The following NAE1 variants were observed in gnomAD, a reference collection of about 807,000 sequenced individuals.
The protein encoded by NAE1 is NEDD8 activating enzyme E1 subunit 1, also known as NEDD8-activating enzyme E1 regulatory subunit.
A neutral mutation model predicts 88.0 loss-of-function variants in NAE1; 59 were observed. The observed-to-expected ratio is 0.67, with a 90% CI of 0.54 to 0.83. The LOEUF (loss-of-function observed/expected upper bound fraction) is 0.83, where lower values mean the gene tolerates loss of function less well. NAE1 is among the 40% of genes least tolerant of loss of function. The probability of loss-of-function intolerance (pLI) is 0.00; values close to 1 mark genes in which losing one functional copy is unlikely to be tolerated. For missense variants in NAE1, 554 were observed against 632.8 expected (o/e 0.88, Z 1.34); for synonymous variants, 186 against 208.9 (o/e 0.89, Z 0.95).
intron 11 of NAE1, among the ~76,000 whole-genome samples, 156 bp downstream of exon 11, chr16:66,816,425 A>C (rs547813758): frequency 2.2e-4 from 33 of 152,320 alleles, no homozygotes; most frequent in African/African-American, 7.0e-4. Flanking sequence ...TCAGCCTCCC[A>C]AAGTGCTGGG....
At chr16:66,814,610 T>TACACACAC (rs10693264) in intron 11 of NAE1, among the ~76,000 whole-genome samples, 46 of 138,988 alleles carry the variant, frequency 3.3e-4, no homozygotes, top group Non-Finnish European at 4.6e-4. Context: ...AAAAAAAAAA[T>TACACACAC]ACACACACAC....
chr16:66,808,878 T>G (rs778256923), intron 16 of NAE1, 111 bp downstream of exon 16: 17 of 702,636 alleles, frequency 2.4e-5, no homozygotes, highest in African/African-American at 3.7e-5. Flanking sequence ...TAGAATATGT[T>G]TACGTTATCT....
At chr16:66,812,743 T>G (rs936151850) in intron 13 of NAE1, among the ~76,000 whole-genome samples, 63 of 151,920 alleles carry the variant, frequency 4.1e-4, no homozygotes, top group African/African-American at 1.4e-3. Flanking sequence ...ATGGTCTTGA[T>G]CTTCTGACCT....
At chr16:66,824,949 G>C in intron 3 of NAE1, 64 bp from the exon 4 acceptor site, 1 of 1,383,802 alleles carries the variant, frequency 7.2e-7, no homozygotes, top group Non-Finnish European at 1.0e-6. Context: ...AAAGTTGTTT[G>C]TAATAGCATG....
intron 4 of NAE1, 87 bp from the exon 5 acceptor site, chr16:66,823,687 G>A (rs749921980): frequency 7.7e-5 from 78 of 1,014,316 alleles, no homozygotes; most frequent in Non-Finnish European, 1.1e-4. Flanking sequence ...CAAACATACT[G>A]TAAAACTATC....
chr16:66,823,876 C>T (rs915921913), intron 4 of NAE1, among the ~76,000 whole-genome samples: 1 of 152,176 alleles, frequency 6.6e-6, no homozygotes, highest in Non-Finnish European at 1.5e-5. Context: ...GGACTACAGG[C>T]ATGTGCTACC....
Position 66,818,532 on chromosome 16 carries a change from T to C in NAE1, c.617A>G (p.Lys206Arg), listed in dbSNP as rs1446692943. 5 of 1,608,690 alleles carry C rather than the reference T, an allele frequency of 3.1e-6. No homozygotes were observed. Among genetic ancestry groups the C allele is most frequent in the Admixed American group, 3.4e-5 (2 of 58,666 alleles). Residue 206 changes from lysine to arginine, a missense_variant, in exon 8 of 20, where the codon AAA (lysine) becomes AGA (arginine). By Grantham distance (26) the Lys-to-Arg change is conservative (BLOSUM62 2). Coordinates refer to ENST00000290810, the MANE Select transcript of NAE1 (RefSeq NM_003905.4). ...FQSYDLDHME[K>R]KDHSHTPWIV... ...AAGGTCACACACACTACCAACCTTT[T>C]TTTCCATATGATCCAAATCATAGGA... is the stretch of plus-strand genomic sequence containing the variant.
chr16:66,830,043 G>A (rs141620299), intron 1 of NAE1, among the ~76,000 whole-genome samples: 15,707 of 152,048 alleles, frequency 0.1, 1,087 homozygotes, highest in Non-Finnish European at 0.16. Flanking sequence ...GCACCACCAC[G>A]CCCAGCTAAT....
At chr16:66,805,074 G>A (rs191159762) in intron 19 of NAE1, among the ~76,000 whole-genome samples, 42 of 152,276 alleles carry the variant, frequency 2.8e-4, no homozygotes, top group Admixed American at 9.8e-4. Context: ...GGGTCTTGAA[G>A]AACATATAGG....
chr16:66,821,814 G>A (rs897319120), intron 6 of NAE1, among the ~76,000 whole-genome samples: 41 of 152,118 alleles, frequency 2.7e-4, no homozygotes, highest in African/African-American at 8.7e-4. Flanking sequence ...AAGGAGAAAC[G>A]TTAAAGAAAG....
chr16:66,810,371 T>C lies in NAE1; in HGVS notation c.1150+3A>G. 6.3e-7 allele frequency: 1 copy of C among 1,591,324 alleles called. No homozygotes were observed. Among genetic ancestry groups the C allele is most frequent in the Middle Eastern group, 1.7e-4 (1 of 6,008 alleles). On this transcript the variant is annotated splice_donor_region_variant and intron_variant, in intron 15 of 19. Transcript: ENST00000290810. ...ATAAGGAAATTAATTCAAGGGGACT[T>C]ACAGAGTAATTTTAATTCTTTCTCT...
intron 13 of NAE1, among the ~76,000 whole-genome samples, chr16:66,811,719 G>T (rs1243214765): frequency 6.6e-6 from 1 of 152,092 alleles, no homozygotes; most frequent in Non-Finnish European, 1.5e-5. Flanking sequence ...TTTTCTTTAC[G>T]TCTATTTACC....
chr16:66,813,453 A>G (rs1166271966), intron 13 of NAE1, 111 bp downstream of exon 13: 1 of 1,309,144 alleles, frequency 7.6e-7, no homozygotes, highest in African/African-American at 1.5e-5. Flanking sequence ...GTTTATTTAT[A>G]AGCAATGAGG....
At chr16:66,830,800 C>A (rs1294595476) in intron 1 of NAE1, 47 bp downstream of exon 1, 1 of 1,501,230 alleles carries the variant, frequency 6.7e-7, no homozygotes, top group Admixed American at 2.1e-5. Context: ...GGCCCGAATG[C>A]TGGAAAGCCC....
chr16:66,810,397 G>T lies in NAE1; in HGVS notation c.1127C>A (p.Ser376Ter). The stretch of plus-strand genomic sequence containing the variant: ...ACAGAGTAATTTTAATTCTTTCTCT[G>T]AAATGGACTCTGGTGCCTGTAAAGA... ...QSIGQAPESISEKELKLLCSN... is the reference protein window; with the variant it reads ...QSIGQAPESI The change falls in exon 15 of 20, where the codon TCA becomes TAA. Residue 376 changes from serine to a stop codon, truncating the protein, a stop_gained. Coordinates refer to ENST00000290810, the MANE Select transcript of NAE1 (RefSeq NM_003905.4). LOFTEE classifies it high-confidence loss of function. 1 of 1,600,404 alleles carries T rather than the reference G, an allele frequency of 6.2e-7. No homozygotes were observed. The highest frequency in any genetic ancestry group is 1.1e-5 in the South Asian group (1 of 90,386).
intron 8 of NAE1, among the ~76,000 whole-genome samples, chr16:66,817,691 T>G (rs1470863871): frequency 2.6e-5 from 4 of 152,142 alleles, no homozygotes; most frequent in Non-Finnish European, 4.4e-5. Flanking sequence ...ATACTATGAT[T>G]GTCCCCATTA....
In NAE1 at chr16:66,816,645, G is replaced by A. The variant is rs1328953268; in HGVS notation, c.776C>T (p.Pro259Leu). The A allele has an allele frequency of 6.2e-7, 1 of 1,611,886 alleles. No homozygotes were observed. Among genetic ancestry groups the A allele is most frequent in the South Asian group, 1.1e-5 (1 of 90,786 alleles). The change falls in exon 11 of 20, where the codon CCA (proline) becomes CTA (leucine). Residue 259 changes from proline (P) to leucine (L), a missense_variant. Pro to Leu is a moderately conservative substitution (Grantham distance 98). Transcript: ENST00000290810. ...TTCTTCAAAATTCTCTTCATCTTCT[G>A]GAGCCCCATTTTCATTTTTTAGAAT... Reference protein sequence around the residue: ...QGILKNENGAPEDEENFEEAI... With the variant: ...QGILKNENGALEDEENFEEAI...
chr16:66,830,873 C>A lies in NAE1; in HGVS notation c.27G>T (p.Lys9Asn). 2.0e-6 allele frequency: 3 copies of A among 1,535,370 alleles called. No homozygotes were observed. The highest frequency in any genetic ancestry group is 5.3e-5 in the East Asian group (2 of 38,028). MAQLGKLL[K>N]EQKYDRQLRL... ...TCAGCTGCCGGTCGTACTTCTGCTC[C>A]TTGAGCAGCTTTCCCAGCTGCGCCA... Residue 9 changes from lysine to asparagine, a missense_variant, in exon 1 of 20, where the codon AAG becomes AAT. Transcript: ENST00000290810.
At chr16:66,820,705 T>G (rs778368745) in intron 7 of NAE1, among the ~76,000 whole-genome samples, 5 of 151,812 alleles carry the variant, frequency 3.3e-5, no homozygotes, top group African/African-American at 4.8e-5. Context: ...ATTGAGACCA[T>G]CCTGGCTAAC....
Sources: allele counts gnomAD v4.1 joint callset (sites outside exome capture counted in the v4.1 genomes callset), GRCh38; gene constraint gnomAD v4.1.1; transcripts MANE v1.5; gene names NCBI Gene and HGNC (gene_info 2026-07-23, HGNC 2026-07-21).